FZD7: variants seen among roughly 807,000 people sequenced by gnomAD.
FZD7 encodes the protein frizzled-7.
In FZD7, 21 loss-of-function variants were observed where a neutral mutation model predicts 39.0. The ratio of observed to expected loss-of-function variants is 0.54; its 90% CI spans 0.38 to 0.78. The LOEUF (loss-of-function observed/expected upper bound fraction) is 0.78, where lower values mean the gene tolerates loss of function less well. Ranked by LOEUF, FZD7 falls within the 30% of genes least tolerant of loss-of-function variation. FZD7 has a pLI of 0.00. For missense variants in FZD7, 695 were observed against 805.0 expected (o/e 0.86, Z 1.65); for synonymous variants, 428 against 364.9 (o/e 1.17, Z -1.97).
rs547121303 is a variant in FZD7, at chr2:202,034,468, C to A, written c.-180C>A. The A allele has an allele frequency of 1.1e-3, 412 of 381,480 alleles. 2 individuals are homozygous for A. The highest frequency in any genetic ancestry group is 5.0e-3 in the Middle Eastern group (7 of 1,414). 23.6% of individuals were successfully genotyped at this position (381,480 alleles called of 1,614,324 possible). ...GTGCAGGGCGGCGGCGTCTGCGGCG[C>A]CTTCGCGGCGCGGGCACCCAGGCGG... On this transcript the variant is annotated 5_prime_UTR_variant, in exon 1 of 1. Transcript: ENST00000286201.
rs566038011 is a variant in FZD7 at position 202,035,155 on chromosome 2, G to A, written c.508G>A (p.Gly170Arg). The A allele has an allele frequency of 3.7e-6, 6 of 1,602,686 alleles. No individual in the cohort carries two copies. Among genetic ancestry groups the A allele is most frequent in the African/African-American group, 2.7e-5 (2 of 75,036 alleles). Reference protein sequence around the residue: ...CVGQNTSDGSGGPGGGPTAYP... With the variant: ...CVGQNTSDGSRGPGGGPTAYP... ...GGGCCAGAACACGTCGGACGGCTCC[G>A]GGGGCCCAGGCGGCGGCCCCACTGC... The change falls in exon 1 of 1, where the codon GGG becomes AGG. Residue 170 changes from glycine (G) to arginine (R), a missense_variant. By Grantham distance (125) the Gly-to-Arg change is moderately radical (BLOSUM62 -2). Coordinates refer to ENST00000286201, the MANE Select transcript of FZD7 (RefSeq NM_003507.2).
In FZD7 at chr2:202,034,576, C is replaced by G. The variant is rs1262690541; in HGVS notation, c.-72C>G. On this transcript the variant is annotated 5_prime_UTR_variant, in exon 1 of 1. Coordinates refer to ENST00000286201, the MANE Select transcript of FZD7 (RefSeq NM_003507.2). ...TGCGTCGGGCGCGGCGGCGCCTCCC[C>G]GCATCCAAGCCTCTCCCAACCGCCT... is the stretch of plus-strand genomic sequence containing the variant. The G allele has an allele frequency of 8.4e-6, 11 of 1,315,728 alleles. No homozygotes were observed. The highest frequency in any genetic ancestry group is 1.5e-5 in the South Asian group (1 of 67,032). The allele number at this position is 1,315,728 out of a possible 1,614,324, so 81.5% of individuals were successfully genotyped here. A position where few individuals can be genotyped will look rare whatever the true frequency, so the allele number is the denominator to read the frequency against.
chr2:202,035,664 C>T lies in FZD7; in HGVS notation c.1017C>T (p.Leu339=), dbSNP rs1432622923. 1.9e-6 allele frequency: 3 copies of T among 1,614,128 alleles called. No individual in the cohort carries two copies. The highest frequency in any genetic ancestry group is 1.7e-6 in the Non-Finnish European group (2 of 1,180,024). The change falls in exon 1 of 1, where the codon CTC becomes CTT. Residue 339 remains leucine, a synonymous_variant. Coordinates refer to ENST00000286201, the MANE Select transcript of FZD7 (RefSeq NM_003507.2). ...QGTKKEGCTI[L]FMVLYFFGMA... ...CCAAGAAGGAGGGCTGCACCATCCTCTTCATGGTGCTCTACTTCTTCGGCA... is the reference window on the plus strand; with the variant it reads ...CCAAGAAGGAGGGCTGCACCATCCTTTTCATGGTGCTCTACTTCTTCGGCA...
chr2:202,034,933 C>G lies in FZD7; in HGVS notation c.286C>G (p.Pro96Ala), dbSNP rs769887663. 1.9e-6 allele frequency: 3 copies of G among 1,614,106 alleles called. No individual in the cohort carries two copies. The highest frequency in any genetic ancestry group is 2.2e-5 in the East Asian group (1 of 44,892). The stretch of plus-strand genomic sequence containing the variant: ...CCCGCTGGTGAAGGTGCAGTGTTCT[C>G]CCGAACTCCGCTTTTTCTTATGCTC... ...FYPLVKVQCS[P>A]ELRFFLCSMY... Residue 96 changes from proline (P) to alanine (A), a missense_variant, in exon 1 of 1, where the codon CCC (proline) becomes GCC (alanine). Physicochemically the swap from Pro to Ala is conservative, Grantham distance 27 (BLOSUM62 -1). Coordinates refer to ENST00000286201, the MANE Select transcript of FZD7 (RefSeq NM_003507.2).
chr2:202,036,480 T>G lies in FZD7; in HGVS notation c.*108T>G, dbSNP rs1688745483. On this transcript the variant is annotated 3_prime_UTR_variant, in exon 1 of 1. Coordinates refer to ENST00000286201, the MANE Select transcript of FZD7 (RefSeq NM_003507.2). ...GCCTGTTTCTGTAACTTTCTCCCCC[T>G]CTACTGAGAAGTGACCTGGAAGTGA... The G allele has an allele frequency of 1.2e-6, 1 of 865,004 alleles. No individual in the cohort carries two copies. The highest frequency in any genetic ancestry group is 1.7e-5 in the African/African-American group (1 of 59,034). The allele number at this position is 865,004 out of a possible 1,614,324, so 53.6% of individuals were successfully genotyped here. A position where few individuals can be genotyped will look rare whatever the true frequency, so the allele number is the denominator to read the frequency against.
At position 202,036,604 on chromosome 2, in the gene FZD7, A is replaced by G. The variant is rs1451904019; in HGVS notation, c.*232A>G. The G allele has an allele frequency of 1.8e-6, 1 of 559,464 alleles. No individual in the cohort carries two copies. Among genetic ancestry groups the G allele is most frequent in the Non-Finnish European group, 3.3e-6 (1 of 306,950 alleles). 34.7% of individuals were successfully genotyped at this position (559,464 alleles called of 1,614,324 possible). The stretch of plus-strand genomic sequence containing the variant: ...AGATTTCAGGCAAAGACTTGCAGGA[A>G]GATGATGATAACGGCGATGTGAATC... On this transcript the variant is annotated 3_prime_UTR_variant, in exon 1 of 1. Transcript: ENST00000286201.
rs570414492 is a variant in FZD7 at position 202,038,298 on chromosome 2, A to G, written c.*1926A>G. 1.6e-3 allele frequency: 265 copies of G among 167,182 alleles called. No individual in the cohort carries two copies. Among genetic ancestry groups the G allele is most frequent in the African/African-American group, 6.1e-3 (253 of 41,594 alleles). The allele number at this position is 167,182 out of a possible 1,614,324, so 10.4% of individuals were successfully genotyped here. On this transcript the variant is annotated 3_prime_UTR_variant, in exon 1 of 1. Coordinates refer to ENST00000286201, the MANE Select transcript of FZD7 (RefSeq NM_003507.2). ...TAAAATAGAGATAAGTACAGTATGT[A>G]TATTTTGTAAATCTCCCATTTTTGT... is the stretch of plus-strand genomic sequence containing the variant.
Position 202,034,552 on chromosome 2 carries a change from G to A in FZD7, c.-96G>A. On this transcript the variant is annotated 5_prime_UTR_variant, in exon 1 of 1. An upstream start codon of the reference 5' UTR is lost. Coordinates refer to ENST00000286201, the MANE Select transcript of FZD7 (RefSeq NM_003507.2). ...GCCCCGGCGCCGTGAGGACTCTCAT[G>A]CGTCGGGCGCGGCGGCGCCTCCCCG... The A allele has an allele frequency of 2.7e-6, 3 of 1,104,120 alleles. No individual in the cohort carries two copies. In the South Asian group the frequency reaches 4.9e-5, roughly 18 times the overall value. 68.4% of individuals were successfully genotyped at this position (1,104,120 alleles called of 1,614,324 possible).
chr2:202,036,230 C>G lies in FZD7; in HGVS notation c.1583C>G (p.Thr528Ser), dbSNP rs1237694457. ...TTCCCGCCCATGAGCCCCGACTTCA[C>G]CGTCTTCATGATCAAGTACCTGATG... is the stretch of plus-strand genomic sequence containing the variant. ...GHFPPMSPDFTVFMIKYLMTM... is the reference protein window; with the variant it reads ...GHFPPMSPDFSVFMIKYLMTM... Residue 528 changes from threonine to serine, a missense_variant, in exon 1 of 1, where the codon ACC becomes AGC. Coordinates refer to ENST00000286201, the MANE Select transcript of FZD7 (RefSeq NM_003507.2). 1 of 1,613,572 alleles carries G rather than the reference C, an allele frequency of 6.2e-7. No homozygotes were observed. Among genetic ancestry groups the G allele is most frequent in the Non-Finnish European group, 8.5e-7 (1 of 1,180,040 alleles).
chr2:202,035,057 A>G lies in FZD7; in HGVS notation c.410A>G (p.Lys137Arg). ...ARQGCEALMN[K>R]FGFQWPERLR... ...CAGGGCTGCGAGGCGCTCATGAACA[A>G]GTTCGGCTTCCAGTGGCCCGAGCGG... The change falls in exon 1 of 1, where the codon AAG becomes AGG. Residue 137 changes from lysine to arginine, a missense_variant. By Grantham distance (26) the Lys-to-Arg change is conservative. Transcript: ENST00000286201. 6.2e-7 allele frequency: 1 copy of G among 1,612,704 alleles called. No homozygotes were observed.
rs1485377352 is a variant in FZD7 at position 202,033,929 on chromosome 2, G to C, written c.-719G>C. On this transcript the variant is annotated 5_prime_UTR_variant, in exon 1 of 1. Transcript: ENST00000286201. ...GGCGCCAGGACTCGCTGCTGGGGCTGCGAGGGGCTGGAGGGGCCGGGGCCA... is the reference window on the plus strand; with the variant it reads ...GGCGCCAGGACTCGCTGCTGGGGCTCCGAGGGGCTGGAGGGGCCGGGGCCA... 6.6e-6 allele frequency among the ~76,000 whole-genome samples: 1 copy of C among 150,598 alleles called. No individual in the cohort carries two copies. The highest frequency in any genetic ancestry group is 1.5e-5 in the Non-Finnish European group (1 of 67,308).
In FZD7 at chr2:202,035,738, C is replaced by A. The variant is rs144653732; in HGVS notation, c.1091C>A (p.Ala364Glu). Residue 364 changes from alanine (A) to glutamate (E), a missense_variant, in exon 1 of 1, where the codon GCG (alanine) becomes GAG (glutamate). By Grantham distance (107) the Ala-to-Glu change is moderately radical (BLOSUM62 -1). Transcript: ENST00000286201. ...ATTCTGTCTCTCACTTGGTTCCTGG[C>A]GGCCGGCATGAAGTGGGGCCACGAG... The part of the protein sequence containing the change: ...WVILSLTWFL[A>E]AGMKWGHEAI... The A allele has an allele frequency of 6.2e-7, 1 of 1,614,018 alleles. No individual in the cohort carries two copies. Among genetic ancestry groups the A allele is most frequent in the Non-Finnish European group, 8.5e-7 (1 of 1,180,036 alleles).
rs982963006 is a variant in FZD7 at position 202,035,517 on chromosome 2, C to T, written c.870C>T (p.Ile290=). 1 of 1,614,088 alleles carries T rather than the reference C, an allele frequency of 6.2e-7. No individual in the cohort carries two copies. The highest frequency in any genetic ancestry group is 8.5e-7 in the Non-Finnish European group (1 of 1,180,052). The change falls in exon 1 of 1, where the codon ATC becomes ATT. Residue 290 remains isoleucine (I), a synonymous_variant. Transcript: ENST00000286201. ...RRFSYPERPI[I]FLSGCYFMVA... is the part of the protein sequence containing the mutation. ...TCAGCTACCCAGAGCGGCCCATCATCTTCCTGTCGGGCTGCTACTTCATGG... is the reference window on the plus strand; with the variant it reads ...TCAGCTACCCAGAGCGGCCCATCATTTTCCTGTCGGGCTGCTACTTCATGG...
chr2:202,035,020 G>T lies in FZD7; in HGVS notation c.373G>T (p.Glu125Ter). 1 of 1,613,440 alleles carries T rather than the reference G, an allele frequency of 6.2e-7. No individual in the cohort carries two copies. Reference protein sequence around the residue: ...QAIPPCRSLCERARQGCEALM... With the variant: ...QAIPPCRSLC ...CATCCCGCCGTGTCGTTCTCTGTGC[G>T]AGCGCGCCCGCCAGGGCTGCGAGGC... The change falls in exon 1 of 1, where the codon GAG (glutamate) becomes TAG (stop). Residue 125 changes from glutamate (E) to a stop codon, truncating the protein, a stop_gained. Coordinates refer to ENST00000286201, the MANE Select transcript of FZD7 (RefSeq NM_003507.2). LOFTEE classifies it high-confidence loss of function.
At position 202,036,377 on chromosome 2, in the gene FZD7, C is replaced by T. The variant is rs546449437; in HGVS notation, c.*5C>T. On this transcript the variant is annotated 3_prime_UTR_variant, in exon 1 of 1. Coordinates refer to ENST00000286201, the MANE Select transcript of FZD7 (RefSeq NM_003507.2). ...AAGGGGGAGACTGCGGTATGAGCCCCGGCCCCTCCCCACCTTTCCCACCCC... is the reference window on the plus strand; with the variant it reads ...AAGGGGGAGACTGCGGTATGAGCCCTGGCCCCTCCCCACCTTTCCCACCCC... 1.5e-5 allele frequency: 24 copies of T among 1,597,682 alleles called. No individual in the cohort carries two copies. In the African/African-American group the frequency reaches 1.7e-4, roughly 12 times the overall value.
At position 202,038,000 on chromosome 2, in the gene FZD7, T is replaced by G. The variant is rs1688775376; in HGVS notation, c.*1628T>G. ...TAGCAGAGAATCATGGGAGCTAACCTTTATCCCACCTTTGACACTACCCTC... is the reference window on the plus strand; with the variant it reads ...TAGCAGAGAATCATGGGAGCTAACCGTTATCCCACCTTTGACACTACCCTC... On this transcript the variant is annotated 3_prime_UTR_variant, in exon 1 of 1. Coordinates refer to ENST00000286201, the MANE Select transcript of FZD7 (RefSeq NM_003507.2). The G allele has an allele frequency of 6.0e-6, 1 of 167,114 alleles. No individual in the cohort carries two copies. The highest frequency in any genetic ancestry group is 2.4e-5 in the African/African-American group (1 of 41,460). The allele number at this position is 167,114 out of a possible 1,614,324, so 10.4% of individuals were successfully genotyped here.
chr2:202,035,820 C>G lies in FZD7; in HGVS notation c.1173C>G (p.Val391=), dbSNP rs200103744. The change falls in exon 1 of 1, where the codon GTC becomes GTG. Residue 391 remains valine, a synonymous_variant. Coordinates refer to ENST00000286201, the MANE Select transcript of FZD7 (RefSeq NM_003507.2). ...FHLAAWAVPA[V]KTITILAMGQ... The stretch of plus-strand genomic sequence containing the variant: ...TGGCCGCGTGGGCCGTGCCCGCCGT[C>G]AAGACCATCACTATCCTGGCCATGG... 2.8e-5 allele frequency: 46 copies of G among 1,614,054 alleles called. No homozygotes were observed. The highest frequency in any genetic ancestry group is 3.8e-5 in the Non-Finnish European group (45 of 1,180,050).
Position 202,036,264 on chromosome 2 carries a change from C to A in FZD7, c.1617C>A (p.Ile539=). Reference sequence around the variant, plus strand: ...TGATCAAGTACCTGATGACCATGATCGTCGGCATCACCACTGGCTTCTGGA... The same window carrying A: ...TGATCAAGTACCTGATGACCATGATAGTCGGCATCACCACTGGCTTCTGGA... ...VFMIKYLMTM[I]VGITTGFWIW... Residue 539 remains isoleucine, a synonymous_variant, in exon 1 of 1, where the codon ATC becomes ATA. Transcript: ENST00000286201. 1 of 1,613,480 alleles carries A rather than the reference C, an allele frequency of 6.2e-7. No individual in the cohort carries two copies. Among genetic ancestry groups the A allele is most frequent in the Non-Finnish European group, 8.5e-7 (1 of 1,179,970 alleles).
Position 202,035,759 on chromosome 2 carries a change from ACGAGGCCAT to A in FZD7, c.1121_1129del (p.Ile374_Ala376del). 1.9e-6 allele frequency: 3 copies of A among 1,614,064 alleles called. No homozygotes were observed. Among genetic ancestry groups the A allele is most frequent in the South Asian group, 1.1e-5 (1 of 91,074 alleles). ...CTGGCGGCCGGCATGAAGTGGGGCC[ACGAGGCCAT>A]CGAGGCCAACTCGCAGTACTTCCAC... On this transcript the variant is annotated inframe_deletion, in exon 1 of 1. Coordinates refer to ENST00000286201, the MANE Select transcript of FZD7 (RefSeq NM_003507.2).
Sources: gnomAD v4.1 joint callset for allele counts (sites outside exome capture counted in the v4.1 genomes callset) on GRCh38, gnomAD v4.1.1 for gene constraint, MANE v1.5 for transcripts, NCBI Gene and HGNC (gene_info 2026-07-23, HGNC 2026-07-21) for gene names.